Variants in KCND2 observed in about 807,000 individuals in gnomAD.
KCND2 encodes the protein potassium voltage-gated channel subfamily D member 2.
Under a neutral mutation model 54.4 loss-of-function variants are expected in KCND2, and 16 were observed. The ratio of observed to expected loss-of-function variants is 0.29; its 90% CI spans 0.20 to 0.45. The LOEUF (loss-of-function observed/expected upper bound fraction) is 0.45. Among genes scored for constraint, KCND2 ranks in the 20% least tolerant of loss-of-function variants. The probability of loss-of-function intolerance (pLI) is 1.00; values close to 1 mark genes in which losing one functional copy is unlikely to be tolerated. For synonymous variants in KCND2, 317 were observed against 310.7 expected (o/e 1.02, Z -0.21); for missense variants, 486 against 824.2 (o/e 0.59, Z 5.02).
At chr7:120,483,380 G>T (rs1470726597) in intron 1 of KCND2, among the ~76,000 whole-genome samples, 1 of 152,184 alleles carries the variant, frequency 6.6e-6, no homozygotes, top group Non-Finnish European at 1.5e-5. Context: ...AACTGAATGG[G>T]AATCTGGGTC....
intron 1 of KCND2, among the ~76,000 whole-genome samples, chr7:120,340,411 C>T (rs998093267): frequency 1.3e-5 from 2 of 152,142 alleles, no homozygotes; most frequent in African/African-American, 4.8e-5. Context: ...TGCCATCCAC[C>T]TATGTGAGAA....
At chr7:120,423,930 A>G (rs1195661768) in intron 1 of KCND2, among the ~76,000 whole-genome samples, 2 of 152,218 alleles carry the variant, frequency 1.3e-5, no homozygotes, top group Non-Finnish European at 2.9e-5. Flanking sequence ...AGATCCTCAC[A>G]ACCTTTGTAT....
chr7:120,587,834 A>G (rs931254152), intron 1 of KCND2, among the ~76,000 whole-genome samples: 1 of 152,138 alleles, frequency 6.6e-6, no homozygotes, highest in African/African-American at 2.4e-5. Context: ...AGTGTTTCAA[A>G]TGATAGAAAA....
intron 1 of KCND2, among the ~76,000 whole-genome samples, chr7:120,334,578 A>T (rs1357281194): frequency 6.6e-6 from 1 of 152,198 alleles, no homozygotes; most frequent in Non-Finnish European, 1.5e-5. Flanking sequence ...CAAACCACTT[A>T]GTAACACTCT....
At chr7:120,312,364 T>C (rs1799748020) in intron 1 of KCND2, among the ~76,000 whole-genome samples, 1 of 151,956 alleles carries the variant, frequency 6.6e-6, no homozygotes, top group Non-Finnish European at 1.5e-5. Flanking sequence ...ACATGTGTTT[T>C]TATAACAGAA....
At chr7:120,392,486 T>G (rs1801093304) in intron 1 of KCND2, among the ~76,000 whole-genome samples, 1 of 151,688 alleles carries the variant, frequency 6.6e-6, no homozygotes, top group South Asian at 2.1e-4. Context: ...TTACAAAAGT[T>G]CTTTGTTTAT....
intron 1 of KCND2, among the ~76,000 whole-genome samples, chr7:120,579,582 C>T (rs1009256645): frequency 3.7e-4 from 55 of 148,118 alleles, no homozygotes; most frequent in African/African-American, 1.2e-3. Flanking sequence ...AGCCTGGAGA[C>T]GGGGCGAGAC....
At chr7:120,552,519 G>A (rs1297524625) in intron 1 of KCND2, among the ~76,000 whole-genome samples, 2 of 152,194 alleles carry the variant, frequency 1.3e-5, no homozygotes, top group East Asian at 3.8e-4. Context: ...AAACCTGAGT[G>A]TTTTTGTGCT....
At chr7:120,683,160 C>T (rs147047938) in intron 1 of KCND2, among the ~76,000 whole-genome samples, 46 of 152,220 alleles carry the variant, frequency 3.0e-4, no homozygotes, top group African/African-American at 9.9e-4. Context: ...AGCAAAGTTT[C>T]GTATCAAGCA....
chr7:120,677,688 T>G (rs1034417540), intron 1 of KCND2, among the ~76,000 whole-genome samples: 1 of 151,902 alleles, frequency 6.6e-6, no homozygotes, highest in Non-Finnish European at 1.5e-5. Context: ...ATCAAGAGTA[T>G]AAATCAGATG....
chr7:120,718,025 A>C (rs1314140771), intron 1 of KCND2, among the ~76,000 whole-genome samples: 1 of 152,096 alleles, frequency 6.6e-6, no homozygotes. Context: ...CAGGGCAGTC[A>C]GCTCATTCTC....
chr7:120,559,493 CAG>C (rs1369644630), intron 1 of KCND2, among the ~76,000 whole-genome samples: 2 of 152,138 alleles, frequency 1.3e-5, no homozygotes, highest in African/African-American at 2.4e-5. Context: ...GGCAGAGACT[CAG>C]GGCTGAATAT....
intron 1 of KCND2, among the ~76,000 whole-genome samples, chr7:120,517,541 A>G (rs998664672): frequency 6.6e-6 from 1 of 152,138 alleles, no homozygotes; most frequent in Non-Finnish European, 1.5e-5. Flanking sequence ...CTTACAAGCC[A>G]TGTGACCTTA....
rs1390390929 is a variant in KCND2, at chr7:120,749,709, C to A, written c.*1851C>A. 6.6e-6 allele frequency: 1 copy of A among 152,362 alleles called. No homozygotes were observed. Among genetic ancestry groups the A allele is most frequent in the Non-Finnish European group, 1.5e-5 (1 of 67,846 alleles). 9.4% of individuals were successfully genotyped at this position (152,362 alleles called of 1,614,324 possible). A position where few individuals can be genotyped will look rare whatever the true frequency, so the allele number is the denominator to read the frequency against. On this transcript the variant is annotated 3_prime_UTR_variant, in exon 6 of 6. Coordinates refer to ENST00000331113, the MANE Select transcript of KCND2 (RefSeq NM_012281.3). ...GTGAAAGTAAGATAAACTCAACTAT[C>A]TCTTGGGAAGAACTGGCTTCATTCC...
intron 1 of KCND2, among the ~76,000 whole-genome samples, chr7:120,629,439 T>TC (rs1301228817): frequency 6.6e-6 from 1 of 151,432 alleles, no homozygotes; most frequent in African/African-American, 2.4e-5. Context: ...TGAGCCGAGA[T>TC]GGTGCCACTG....
rs577103956 is a variant in KCND2 at position 120,358,785 on chromosome 7, T to C, written c.1115+83038T>C. ...AGTGAATTTCGAACTATGTGCAGGC[T>C]GTACTCTTCTGTAAAGTATTTGATA... is the stretch of plus-strand genomic sequence containing the variant. On this transcript the variant is annotated intron_variant, in intron 1 of 5. Coordinates refer to ENST00000331113, the MANE Select transcript of KCND2 (RefSeq NM_012281.3). Among the ~76,000 whole-genome samples the C allele has an allele frequency of 4.6e-5, 7 of 152,332 alleles. No homozygotes were observed. In the South Asian group the frequency reaches 1.4e-3, roughly 32 times the overall value.
intron 1 of KCND2, among the ~76,000 whole-genome samples, chr7:120,492,385 T>G (rs1470374072): frequency 6.6e-6 from 1 of 152,106 alleles, no homozygotes; most frequent in Non-Finnish European, 1.5e-5. Context: ...AGTACATACA[T>G]GTATGTACAT....
intron 1 of KCND2, among the ~76,000 whole-genome samples, chr7:120,436,782 A>G (rs1207046226): frequency 6.6e-6 from 1 of 152,116 alleles, no homozygotes; most frequent in African/African-American, 2.4e-5. Flanking sequence ...TTCTGGCTCT[A>G]TGAGTATTTT....
intron 1 of KCND2, among the ~76,000 whole-genome samples, chr7:120,544,316 A>C (rs921064984): frequency 3.3e-5 from 5 of 151,952 alleles, no homozygotes; most frequent in Non-Finnish European, 7.4e-5. Context: ...TGCTCGGATT[A>C]TATTATGTGA....
Sources: gnomAD v4.1 joint callset for allele counts (sites outside exome capture counted in the v4.1 genomes callset) on GRCh38, gnomAD v4.1.1 for gene constraint, MANE v1.5 for transcripts, NCBI Gene and HGNC (gene_info 2026-07-23, HGNC 2026-07-21) for gene names.